VDAC1: variants seen among roughly 807,000 people sequenced by gnomAD.
VDAC1 encodes voltage dependent anion channel 1, also known as non-selective voltage-gated ion channel VDAC1.
Under a neutral mutation model 34.7 loss-of-function variants are expected in VDAC1, and 10 were observed. The ratio of observed to expected loss-of-function variants is 0.29; its 90% confidence interval spans 0.18 to 0.49. The LOEUF (loss-of-function observed/expected upper bound fraction) is 0.49. VDAC1 is among the 20% of genes least tolerant of loss of function. The probability of loss-of-function intolerance (pLI) is 0.99; values close to 1 mark genes in which losing one functional copy is unlikely to be tolerated. For synonymous variants in VDAC1, 130 were observed against 136.0 expected, an observed-to-expected ratio of 0.96 and a Z score of 0.30; for missense variants, 230 against 347.9, an observed-to-expected ratio of 0.66 and a Z score of 2.69.
At chr5:134,055,301 G>T in the VDAC1 span, among the ~76,000 whole-genome samples, 7 of 152,156 alleles carry the variant, frequency 4.6e-5, no homozygotes, top group African/African-American at 1.2e-4. Flanking sequence ...GAGGAAGGGG[G>T]GCATGGGAAG....
At chr5:134,084,013 A>T in the VDAC1 span, among the ~76,000 whole-genome samples, 1 of 152,212 alleles carries the variant, frequency 6.6e-6, no homozygotes, top group Non-Finnish European at 1.5e-5. Context: ...CATTTTCCTC[A>T]TCTGTAAAAT....
the VDAC1 span, chr5:134,081,937 G>T: frequency 6.3e-6 from 1 of 157,538 alleles, no homozygotes; most frequent in Non-Finnish European, 1.4e-5. Context: ...CTTTCTTCCC[G>T]GCATCAAGTC....
At chr5:134,027,099 A>T in the VDAC1 span, among the ~76,000 whole-genome samples, 1 of 152,194 alleles carries the variant, frequency 6.6e-6, no homozygotes, top group Non-Finnish European at 1.5e-5. Context: ...GATGCTAAGC[A>T]TCTTACACAG....
chr5:134,072,789 AC>A, the VDAC1 span, among the ~76,000 whole-genome samples: 1 of 151,936 alleles, frequency 6.6e-6, no homozygotes, highest in Non-Finnish European at 1.5e-5. Context: ...CCCCATTGTG[AC>A]CTCCTGCAGT....
the VDAC1 span, among the ~76,000 whole-genome samples, chr5:134,054,110 C>T: frequency 1.3e-5 from 2 of 152,200 alleles, no homozygotes; most frequent in African/African-American, 4.8e-5. Context: ...CTGTCCTCAT[C>T]TGTTGCAGGA....
At chr5:133,984,359 C>A (rs960536113) in intron 5 of VDAC1, among the ~76,000 whole-genome samples, 1 of 150,458 alleles carries the variant, frequency 6.6e-6, no homozygotes, top group Non-Finnish European at 1.5e-5. Flanking sequence ...CCTCGCCTGG[C>A]CAGGTATTTC....
Position 133,973,932 on chromosome 5 carries a change from A to T in VDAC1, c.703-84T>A, listed in dbSNP as rs1223183898. The T allele has an allele frequency of 3.7e-6, 5 of 1,358,712 alleles. 1 individual carries two copies. The East Asian group carries it at 1.2e-4, about 31-fold the overall frequency. 84.2% of individuals were successfully genotyped at this position (1,358,712 alleles called of 1,614,324 possible). ...CTCCAAAATTAGAGCTTTTTAGTCA[A>T]CCAACCTTGGACTTTAGAATCAAAA... is the stretch of plus-strand genomic sequence containing the variant. On this transcript the variant is annotated intron_variant, in intron 7 of 8. Coordinates refer to ENST00000265333, the MANE Select transcript of VDAC1 (RefSeq NM_003374.3).
intron 5 of VDAC1, among the ~76,000 whole-genome samples, chr5:133,986,239 G>A (rs1752899581): frequency 6.6e-6 from 1 of 152,148 alleles, no homozygotes; most frequent in African/African-American, 2.4e-5. Flanking sequence ...TCATCCAGAT[G>A]TGGTCTACAC....
chr5:134,051,686 T>C, the VDAC1 span, among the ~76,000 whole-genome samples: 4 of 142,840 alleles, frequency 2.8e-5, no homozygotes, highest in South Asian at 2.3e-4. Flanking sequence ...TTTTTTTGGC[T>C]TTGTTTTTGT....
At chr5:134,108,553 A>G in the VDAC1 span, among the ~76,000 whole-genome samples, 1 of 152,270 alleles carries the variant, frequency 6.6e-6, no homozygotes, top group East Asian at 1.9e-4. Flanking sequence ...AATATGGAAT[A>G]AGAGGGTGAG....
At chr5:134,048,732 G>A in the VDAC1 span, among the ~76,000 whole-genome samples, 6 of 151,630 alleles carry the variant, frequency 4.0e-5, no homozygotes, top group East Asian at 3.9e-4. Flanking sequence ...CTTATCCCCC[G>A]CTGGACATCT....
the VDAC1 span, among the ~76,000 whole-genome samples, chr5:134,039,376 T>C: frequency 2.0e-5 from 3 of 152,216 alleles, no homozygotes; most frequent in Non-Finnish European, 4.4e-5. Context: ...TCGCCCAGGC[T>C]GGAGTGCAGT....
the VDAC1 span, among the ~76,000 whole-genome samples, chr5:134,104,852 C>T: frequency 1.2e-3 from 179 of 152,348 alleles, no homozygotes; most frequent in African/African-American, 3.6e-3. Flanking sequence ...CCACTCACAA[C>T]GGATGCACTC....
the VDAC1 span, among the ~76,000 whole-genome samples, chr5:134,096,545 C>G: frequency 1.3e-5 from 2 of 152,328 alleles, no homozygotes; most frequent in East Asian, 1.9e-4. Context: ...ATGATCTGCT[C>G]TCACACCCCT....
intron 1 of VDAC1, among the ~76,000 whole-genome samples, chr5:133,996,999 C>A (rs1479673562): frequency 6.6e-6 from 1 of 152,160 alleles, no homozygotes; most frequent in Non-Finnish European, 1.5e-5. Flanking sequence ...GACCTCAATA[C>A]CATGCATGGA....
chr5:134,046,229 C>T, the VDAC1 span, among the ~76,000 whole-genome samples: 5 of 151,962 alleles, frequency 3.3e-5, no homozygotes, highest in South Asian at 2.1e-4. Context: ...GGGGTTTCAT[C>T]GTGTTAGCCA....
At chr5:134,003,906 G>A (rs2127037010) in intron 1 of VDAC1, among the ~76,000 whole-genome samples, 1 of 152,328 alleles carries the variant, frequency 6.6e-6, no homozygotes, top group South Asian at 2.1e-4. Flanking sequence ...TTTCCAGAAT[G>A]CACCGCCGCA....
At chr5:134,001,888 C>A (rs1256503998) in intron 1 of VDAC1, among the ~76,000 whole-genome samples, 1 of 152,044 alleles carries the variant, frequency 6.6e-6, no homozygotes, top group Non-Finnish European at 1.5e-5. Flanking sequence ...TCATCCCAAA[C>A]CCCCTGAGTA....
chr5:134,023,480 TAA>T, the VDAC1 span, among the ~76,000 whole-genome samples: 27 of 135,188 alleles, frequency 2.0e-4, no homozygotes, highest in East Asian at 2.2e-4. Flanking sequence ...GAACTTAAAG[TAA>T]AAAAAAAAAA....
Sources: allele counts gnomAD v4.1 joint callset (sites outside exome capture counted in the v4.1 genomes callset), GRCh38; gene constraint gnomAD v4.1.1; transcripts MANE v1.5; gene names NCBI Gene and HGNC (gene_info 2026-07-23, HGNC 2026-07-21).